The following ATP1A1 variants were observed in gnomAD, a reference collection of about 807,000 sequenced individuals.
The protein encoded by ATP1A1 is ATPase Na+/K+ transporting subunit alpha 1, also known as sodium/potassium-transporting ATPase subunit alpha-1.
In ATP1A1, 14 loss-of-function variants were observed where a neutral mutation model predicts 114.8. The observed-to-expected ratio is 0.12, with a 90% CI of 0.08 to 0.19. The LOEUF is 0.19. ATP1A1 is among the 10% of genes least tolerant of loss of function. ATP1A1 has a pLI of 1.00. For synonymous variants in ATP1A1, 471 were observed against 466.3 expected (o/e 1.01, Z -0.13); for missense variants, 524 against 1,290.7 (o/e 0.41, Z 9.10).
Position 116,374,125 on chromosome 1 carries a change from G to T in ATP1A1, c.12+602G>T, listed in dbSNP as rs1364851486. 1.6e-5 allele frequency: 25 copies of T among 1,543,358 alleles called. No individual in the cohort carries two copies. The East Asian group carries it at 4.2e-4, about 26-fold the overall frequency. The stretch of plus-strand genomic sequence containing the variant: ...GGGACGCTGGGGCTTAGCTTGCTCC[G>T]CGCAGAGGCGGCCGCCCTCCCCCAA... On this transcript the variant is annotated intron_variant, in intron 1 of 22. Transcript: ENST00000295598.
chr1:116,387,887 A>G lies in ATP1A1; in HGVS notation c.388-244A>G, dbSNP rs942136092. 1.3e-5 allele frequency among the ~76,000 whole-genome samples: 2 copies of G among 152,354 alleles called. No homozygotes were observed. The highest frequency in any genetic ancestry group is 3.4e-3 in the Middle Eastern group (1 of 294). On this transcript the variant is annotated intron_variant, in intron 4 of 22. Coordinates refer to ENST00000295598, the MANE Select transcript of ATP1A1 (RefSeq NM_000701.8). The surrounding 1 kb of genome is among the most constrained non-coding windows in gnomAD (Gnocchi z 6.7). ...AACAATCTTTGTTTTATAAAGCAGG[A>G]GAAACTGATGCATCTAGAACCTTTC...
Position 116,389,442 on chromosome 1 carries a change from C to T in ATP1A1, c.758C>T (p.Thr253Ile). ...TCTCCCTCCCCTTCTTTTTAAGGCA[C>T]CGCACGTGGTATTGTTGTCTACACT... ...AFFSTNCVEG[T>I]ARGIVVYTGD... Residue 253 changes from threonine to isoleucine, a missense_variant, in exon 8 of 23, where the codon ACC becomes ATC. Physicochemically the swap from Thr to Ile is moderately conservative, Grantham distance 89. Coordinates refer to ENST00000295598, the MANE Select transcript of ATP1A1 (RefSeq NM_000701.8). This position sits in a 1 kb window ranked among gnomAD's most constrained non-coding sequence, Gnocchi z 6.9. 1.9e-6 allele frequency: 3 copies of T among 1,613,984 alleles called. No individual in the cohort carries two copies. Among genetic ancestry groups the T allele is most frequent in the Non-Finnish European group, 2.5e-6 (3 of 1,179,868 alleles).
chr1:116,399,923 T>C lies in ATP1A1; in HGVS notation c.2572+380T>C, dbSNP rs759306629. On this transcript the variant is annotated intron_variant, in intron 18 of 22. Coordinates refer to ENST00000295598, the MANE Select transcript of ATP1A1 (RefSeq NM_000701.8). This position sits in a 1 kb window ranked among gnomAD's most constrained non-coding sequence, Gnocchi z 5.0. ...AGATACACACTTATCTGTCACTCAC[T>C]TGGATGGAGTTAGGCATTGGAGAAA... Among the ~76,000 whole-genome samples, 1 of 152,166 alleles carries C rather than the reference T, an allele frequency of 6.6e-6. No individual in the cohort carries two copies. The highest frequency in any genetic ancestry group is 1.5e-5 in the Non-Finnish European group (1 of 68,018).
At position 116,401,754 on chromosome 1, in the gene ATP1A1, G is replaced by C; in HGVS notation, c.2951+99G>C. The C allele has an allele frequency of 8.0e-7, 1 of 1,257,324 alleles. No individual in the cohort carries two copies. The highest frequency in any genetic ancestry group is 1.1e-6 in the Non-Finnish European group (1 of 878,196). The allele number at this position is 1,257,324 out of a possible 1,614,324, so 77.9% of individuals were successfully genotyped here. A position where few individuals can be genotyped will look rare whatever the true frequency, so the allele number is the denominator to read the frequency against. ...ATAGTTGTTATTTTCAGAATTTTGA[G>C]TGGTATGTACAAAAATTCCTATGGG... On this transcript the variant is annotated intron_variant, in intron 21 of 22. Coordinates refer to ENST00000295598, the MANE Select transcript of ATP1A1 (RefSeq NM_000701.8). The surrounding 1 kb of genome is among the most constrained non-coding windows in gnomAD (Gnocchi z 4.7).
Position 116,392,744 on chromosome 1 carries a change from T to C in ATP1A1, c.1333-110T>C, listed in dbSNP as rs1312045142. The C allele has an allele frequency of 3.0e-6, 4 of 1,355,864 alleles. No individual in the cohort carries two copies. In the East Asian group the frequency reaches 7.2e-5, roughly 24 times the overall value. The allele number at this position is 1,355,864 out of a possible 1,614,324, so 84.0% of individuals were successfully genotyped here. On this transcript the variant is annotated intron_variant, in intron 10 of 22. Transcript: ENST00000295598. ...CGCTGCTTCCTTCTTGCCCATCCTC[T>C]GCTACCTCTGACAAGATTGGAATGT...
chr1:116,375,404 A>C lies in ATP1A1; in HGVS notation c.12+1881A>C, dbSNP rs139452026. 2.6e-3 allele frequency among the ~76,000 whole-genome samples: 392 copies of C among 152,360 alleles called. 1 individual carries two copies. The highest frequency in any genetic ancestry group is 4.2e-3 in the Admixed American group (65 of 15,306). On this transcript the variant is annotated intron_variant, in intron 1 of 22. Coordinates refer to ENST00000295598, the MANE Select transcript of ATP1A1 (RefSeq NM_000701.8). ...ATAGGCCATGGAGATGGTTTGGGTA[A>C]CTAAGTTATGTCCATTTATCTAGAT...
At chr1:116,403,663 G>A (rs1190052595) in intron 21 of ATP1A1, among the ~76,000 whole-genome samples, 1 of 152,204 alleles carries the variant, frequency 6.6e-6, no homozygotes, top group African/African-American at 2.4e-5. Flanking sequence ...AAAGTCTGCA[G>A]ACTGATTTCC....
At chr1:116,390,487 A>AT in intron 9 of ATP1A1, 76 bp downstream of exon 9, 1 of 1,395,610 alleles carries the variant, frequency 7.2e-7, no homozygotes. Context: ...AAATTGCATG[A>AT]AATTTCTTTT....
At position 116,398,593 on chromosome 1, in the gene ATP1A1, T is replaced by G. The variant is rs747912314; in HGVS notation, c.2125-28T>G. On this transcript the variant is annotated intron_variant, in intron 15 of 22. Transcript: ENST00000295598. The surrounding 1 kb of genome is among the most constrained non-coding windows in gnomAD (Gnocchi z 6.1). Reference sequence around the variant, plus strand: ...CCATCGCTAGGAAAAGTGATTGGTATTAACCCGTTTTCCCTTTTCTGGGGT... The same window carrying G: ...CCATCGCTAGGAAAAGTGATTGGTAGTAACCCGTTTTCCCTTTTCTGGGGT... The G allele has an allele frequency of 1.9e-6, 3 of 1,608,992 alleles. No individual in the cohort carries two copies. In the Admixed American group the frequency reaches 5.0e-5, roughly 27 times the overall value.
Position 116,389,332 on chromosome 1 carries a change from A to G in ATP1A1, c.755-107A>G. On this transcript the variant is annotated intron_variant, in intron 7 of 22. Coordinates refer to ENST00000295598, the MANE Select transcript of ATP1A1 (RefSeq NM_000701.8). The surrounding 1 kb of genome is among the most constrained non-coding windows in gnomAD (Gnocchi z 6.9). ...GAGCTGGCCCTTAAAAAGTGCTTTT[A>G]TCAACTCTTTTTGTTTTTTTAGTCA... is the stretch of plus-strand genomic sequence containing the variant. The G allele has an allele frequency of 2.1e-6, 3 of 1,459,606 alleles. No homozygotes were observed. Among genetic ancestry groups the G allele is most frequent in the East Asian group, 2.3e-5 (1 of 43,980 alleles). The allele number at this position is 1,459,606 out of a possible 1,614,324, so 90.4% of individuals were successfully genotyped here. A position where few individuals can be genotyped will look rare whatever the true frequency, so the allele number is the denominator to read the frequency against.
Position 116,387,077 on chromosome 1 carries a change from C to T in ATP1A1, c.184-211C>T, listed in dbSNP as rs1439743215. 1.3e-5 allele frequency among the ~76,000 whole-genome samples: 2 copies of T among 152,096 alleles called. No individual in the cohort carries two copies. Among genetic ancestry groups the T allele is most frequent in the Non-Finnish European group, 2.9e-5 (2 of 68,022 alleles). Reference sequence around the variant, plus strand: ...GTTTTAATCTGGGTGTTATGAGTTCCTTGGGCCTATTGTTTGCCTGAACCC... The same window carrying T: ...GTTTTAATCTGGGTGTTATGAGTTCTTTGGGCCTATTGTTTGCCTGAACCC... On this transcript the variant is annotated intron_variant, in intron 3 of 22. Coordinates refer to ENST00000295598, the MANE Select transcript of ATP1A1 (RefSeq NM_000701.8). This position sits in a 1 kb window ranked among gnomAD's most constrained non-coding sequence, Gnocchi z 6.7.
At chr1:116,374,179 AG>A in intron 1 of ATP1A1, 2 of 1,550,186 alleles carry the variant, frequency 1.3e-6, no homozygotes, top group Middle Eastern at 2.0e-4. Context: ...CTAAGTGCGA[AG>A]CCGGCTGGGC....
Position 116,387,232 on chromosome 1 carries a change from T to C in ATP1A1, c.184-56T>C. The stretch of plus-strand genomic sequence containing the variant: ...CAACCGTCCAGCTACCAGGTAGGTA[T>C]ATTGCCTTGTAAGTGCTGGTACAGT... On this transcript the variant is annotated intron_variant, in intron 3 of 22. Transcript: ENST00000295598. This position sits in a 1 kb window ranked among gnomAD's most constrained non-coding sequence, Gnocchi z 6.7. 2 of 1,592,284 alleles carry C rather than the reference T, an allele frequency of 1.3e-6. No homozygotes were observed. The highest frequency in any genetic ancestry group is 1.1e-5 in the South Asian group (1 of 90,126).
In ATP1A1 at chr1:116,390,287, C is replaced by G. The variant is rs1198156033; in HGVS notation, c.1098C>G (p.Thr366=). ...TGAAGAACTTAGAAGCTGTGGAGAC[C>G]TTGGGGTCCACGTCCACCATCTGCT... ...CLVKNLEAVE[T]LGSTSTICSD... Residue 366 remains threonine (T), a synonymous_variant, in exon 9 of 23, where the codon ACC becomes ACG. Transcript: ENST00000295598. The G allele has an allele frequency of 1.9e-6, 3 of 1,614,012 alleles. No individual in the cohort carries two copies. Among genetic ancestry groups the G allele is most frequent in the East Asian group, 2.2e-5 (1 of 44,890 alleles).
chr1:116,389,092 C>T lies in ATP1A1; in HGVS notation c.754+73C>T. 7.5e-7 allele frequency: 1 copy of T among 1,330,882 alleles called. No homozygotes were observed. Among genetic ancestry groups the T allele is most frequent in the Non-Finnish European group, 1.1e-6 (1 of 932,734 alleles). 82.4% of individuals were successfully genotyped at this position (1,330,882 alleles called of 1,614,324 possible). A position where few individuals can be genotyped will look rare whatever the true frequency, so the allele number is the denominator to read the frequency against. Reference sequence around the variant, plus strand: ...GCATTAACAAAATCAAAACCATAGGCACAATCTCTTGTTTTATTGGCTCCA... The same window carrying T: ...GCATTAACAAAATCAAAACCATAGGTACAATCTCTTGTTTTATTGGCTCCA... On this transcript the variant is annotated intron_variant, in intron 7 of 22. Coordinates refer to ENST00000295598, the MANE Select transcript of ATP1A1 (RefSeq NM_000701.8). The surrounding 1 kb of genome is among the most constrained non-coding windows in gnomAD (Gnocchi z 6.9).
chr1:116,374,049 CGGCCCCGGTTCCGGCGG>C, intron 1 of ATP1A1: 2 of 1,403,586 alleles, frequency 1.4e-6, no homozygotes, highest in South Asian at 3.2e-5. Flanking sequence ...GTTCCCGCCG[CGGCCCCGGTTCCGGCGG>C]GGGCAGCCTC....
At chr1:116,390,178 T>C (rs1258249421) in intron 8 of ATP1A1, 35 bp from the exon 9 acceptor site, 2 of 1,594,072 alleles carry the variant, frequency 1.3e-6, no homozygotes, top group South Asian at 1.1e-5. Flanking sequence ...TCCAGCCTGG[T>C]TGAGTGAAGT....
At position 116,401,352 on chromosome 1, in the gene ATP1A1, A is replaced by G. The variant is rs368896483; in HGVS notation, c.2849+92A>G. The stretch of plus-strand genomic sequence containing the variant: ...GCCAAAAACTAAACATATGACACAT[A>G]TAGCCAGGTTTCTGGAATCTCTAGT... On this transcript the variant is annotated intron_variant, in intron 20 of 22. Coordinates refer to ENST00000295598, the MANE Select transcript of ATP1A1 (RefSeq NM_000701.8). This position sits in a 1 kb window ranked among gnomAD's most constrained non-coding sequence, Gnocchi z 4.7. 1.3e-6 allele frequency: 2 copies of G among 1,582,716 alleles called. No individual in the cohort carries two copies. Among genetic ancestry groups the G allele is most frequent in the African/African-American group, 1.4e-5 (1 of 73,700 alleles).
intron 1 of ATP1A1, 43 bp downstream of exon 1, chr1:116,373,566 C>G: frequency 1.4e-6 from 2 of 1,411,662 alleles, no homozygotes; most frequent in African/African-American, 1.5e-5. Context: ...GGGGAGCCCT[C>G]GAGGGGAAGA....
Sources: gnomAD v4.1 joint callset for allele counts (sites outside exome capture counted in the v4.1 genomes callset) on GRCh38, gnomAD v4.1.1 for gene constraint, Gnocchi (gnomAD v3.1) non-coding constraint, MANE v1.5 for transcripts, NCBI Gene and HGNC (gene_info 2026-07-23, HGNC 2026-07-21) for gene names.